The following MGAT5B variants were observed in gnomAD, a reference collection of about 807,000 sequenced individuals.
The protein encoded by MGAT5B is alpha-1,6-mannosylglycoprotein 6-beta-N-acetylglucosaminyltransferase B, also known as N-acetylglucosaminyl-transferase Vb.
MGAT5B carries 54 observed loss-of-function variants against 95.1 expected under a neutral mutation model. The ratio of observed to expected loss-of-function variants is 0.57; its 90% confidence interval spans 0.46 to 0.71. The LOEUF (loss-of-function observed/expected upper bound fraction) is 0.71. Ranked by LOEUF, MGAT5B falls within the 30% of genes least tolerant of loss-of-function variation. MGAT5B has a pLI of 0.00. For synonymous variants in MGAT5B, 464 were observed against 451.0 expected, an observed-to-expected ratio of 1.03 and a Z score of -0.36; for missense variants, 935 against 1,088.6, an observed-to-expected ratio of 0.86 and a Z score of 1.99.
At position 76,904,382 on chromosome 17, in the gene MGAT5B, C is replaced by T. The variant is rs369519601; in HGVS notation, c.650C>T (p.Thr217Met). 22 of 1,572,582 alleles carry T rather than the reference C, an allele frequency of 1.4e-5. No individual in the cohort carries two copies. The highest frequency in any genetic ancestry group is 1.7e-4 in the Middle Eastern group (1 of 5,944). Residue 217 changes from threonine to methionine, a missense_variant, in exon 6 of 18, where the codon ACG becomes ATG. This residue lies in a region of MGAT5B where 243 missense variants were observed against 305.5 expected (regional missense o/e 0.80). Coordinates refer to ENST00000569840, the MANE Select transcript of MGAT5B (RefSeq NM_001199172.2). ...CCCCCGCTGCCCTGGAGGAACCAGA[C>T]GGCTGCCCAGAGGGCACCCAAGCCC... The part of the protein sequence containing the change: ...FCPPLPWRNQ[T>M]AAQRAPKPLP...
chr17:76,929,437 G>A (rs866997477), intron 10 of MGAT5B, among the ~76,000 whole-genome samples: 2 of 152,154 alleles, frequency 1.3e-5, no homozygotes, highest in African/African-American at 4.8e-5. Context: ...CTGGCAGAAT[G>A]TATTGCCTCT....
In MGAT5B at chr17:76,915,236, A is replaced by C. The variant is rs985529395; in HGVS notation, c.1025+9049A>C. 3.4e-5 allele frequency among the ~76,000 whole-genome samples: 5 copies of C among 147,384 alleles called. No homozygotes were observed. The Admixed American group carries it at 3.4e-4, about 10-fold the overall frequency. On this transcript the variant is annotated intron_variant, in intron 8 of 17. Transcript: ENST00000569840. This position sits in a 1 kb window ranked among gnomAD's most constrained non-coding sequence, Gnocchi z 8.7. ...AGAGAGTATTGCTGGCAGTGGCTTC[A>C]GGGGAGGGTCCCAGGAGGAGGGACA... is the stretch of plus-strand genomic sequence containing the variant.
In MGAT5B at chr17:76,932,664, C is replaced by T. The variant is rs765006721; in HGVS notation, c.1311C>T (p.Ser437=). 2.5e-6 allele frequency: 4 copies of T among 1,613,850 alleles called. No homozygotes were observed. The East Asian group carries it at 6.7e-5, about 27-fold the overall frequency. The change falls in exon 11 of 18, where the codon TCC becomes TCT. Residue 437 remains serine (S), a synonymous_variant. Transcript: ENST00000569840. Reference sequence around the variant, plus strand: ...CTGCAGCTCATACCCCCGACAACTCCTTCATGGGCTTCGTGTCCGAGGAGC... The same window carrying T: ...CTGCAGCTCATACCCCCGACAACTCTTTCATGGGCTTCGTGTCCGAGGAGC... ...MTMFPHTPDN[S]FMGFVSEELN...
In MGAT5B at chr17:76,938,069, G is replaced by A. The variant is rs904853760; in HGVS notation, c.1510G>A (p.Glu504Lys). Residue 504 changes from glutamate (E) to lysine (K), a missense_variant, in exon 13 of 18, where the codon GAG (glutamate) becomes AAG (lysine). By Grantham distance (56) the Glu-to-Lys change is moderately conservative (BLOSUM62 1). This residue lies in a region of MGAT5B where 440 missense variants were observed against 523.6 expected (regional missense o/e 0.84). Coordinates refer to ENST00000569840, the MANE Select transcript of MGAT5B (RefSeq NM_001199172.2). This position sits in a 1 kb window ranked among gnomAD's most constrained non-coding sequence, Gnocchi z 4.3. ...GTACTACGAGAGCCAGCGGCCCCCC[G>A]AGGTGCCAGCCTTTGTGAAGAACCA... ...TVYYESQRPP[E>K]VPAFVKNHGL... is the part of the protein sequence containing the mutation. 2.1e-5 allele frequency: 34 copies of A among 1,614,256 alleles called. No homozygotes were observed. The highest frequency in any genetic ancestry group is 2.6e-5 in the Non-Finnish European group (31 of 1,180,054).
rs1968865835 is a variant in MGAT5B at position 76,914,713 on chromosome 17, A to G, written c.1025+8526A>G. On this transcript the variant is annotated intron_variant, in intron 8 of 17. Coordinates refer to ENST00000569840, the MANE Select transcript of MGAT5B (RefSeq NM_001199172.2). The surrounding 1 kb of genome is among the most constrained non-coding windows in gnomAD (Gnocchi z 5.1). Reference sequence around the variant, plus strand: ...GAGCGCAGTGGCGCAGTCTCGGCTCACTGCATCCTCCACCTCCGGGTTCAA... The same window carrying G: ...GAGCGCAGTGGCGCAGTCTCGGCTCGCTGCATCCTCCACCTCCGGGTTCAA... Among the ~76,000 whole-genome samples the G allele has an allele frequency of 6.6e-6, 1 of 150,902 alleles. No homozygotes were observed.
chr17:76,903,082 G>A (rs1968379361), intron 4 of MGAT5B, among the ~76,000 whole-genome samples: 1 of 152,186 alleles, frequency 6.6e-6, no homozygotes, highest in Admixed American at 6.5e-5. Context: ...CAGCTGCTGA[G>A]TGGCTGTTCG....
At chr17:76,878,185 G>A (rs1421683240) in intron 2 of MGAT5B, among the ~76,000 whole-genome samples, 5 of 152,076 alleles carry the variant, frequency 3.3e-5, no homozygotes, top group Non-Finnish European at 5.9e-5. Flanking sequence ...TTCCCTCCTG[G>A]GTACCCACCC....
Position 76,905,117 on chromosome 17 carries a change from T to C in MGAT5B, c.691-52T>C, listed in dbSNP as rs1968473017. On this transcript the variant is annotated intron_variant, in intron 6 of 17. Coordinates refer to ENST00000569840, the MANE Select transcript of MGAT5B (RefSeq NM_001199172.2). This position sits in a 1 kb window ranked among gnomAD's most constrained non-coding sequence, Gnocchi z 4.2. ...CCCCTGTCCCCAGGCCAGCGGGGAA[T>C]GATGGTGGCCGCAGGTTGAGGGGCA... 6.4e-7 allele frequency: 1 copy of C among 1,555,226 alleles called. No homozygotes were observed. Among genetic ancestry groups the C allele is most frequent in the Non-Finnish European group, 8.7e-7 (1 of 1,144,414 alleles).
intron 3 of MGAT5B, among the ~76,000 whole-genome samples, chr17:76,898,332 ATT>A (rs1056312668): frequency 6.1e-5 from 4 of 65,044 alleles, no homozygotes; most frequent in Non-Finnish European, 3.1e-5. Context: ...TAATCTTTTT[ATT>A]TTTTTTTTTT....
At chr17:76,888,577 CAGG>C (rs1472425483) in intron 3 of MGAT5B, among the ~76,000 whole-genome samples, 1 of 152,160 alleles carries the variant, frequency 6.6e-6, no homozygotes, top group African/African-American at 2.4e-5. Context: ...TCTCGTAAAT[CAGG>C]AGAGGGAGTC....
At chr17:76,934,847 A>G (rs562628678) in intron 12 of MGAT5B, among the ~76,000 whole-genome samples, 4 of 152,288 alleles carry the variant, frequency 2.6e-5, no homozygotes, top group South Asian at 4.1e-4. Flanking sequence ...AGGTGGCTGG[A>G]TGGAGAGAAA....
At chr17:76,886,695 A>G (rs1227517553) in intron 3 of MGAT5B, among the ~76,000 whole-genome samples, 4 of 152,214 alleles carry the variant, frequency 2.6e-5, no homozygotes, top group Non-Finnish European at 4.4e-5. Flanking sequence ...TGGCCGGAGG[A>G]CCTGGTGAGT....
In MGAT5B at chr17:76,915,087, C is replaced by G. The variant is rs185967515; in HGVS notation, c.1025+8900C>G. 6.6e-6 allele frequency among the ~76,000 whole-genome samples: 1 copy of G among 152,210 alleles called. No homozygotes were observed. The highest frequency in any genetic ancestry group is 1.5e-5 in the Non-Finnish European group (1 of 68,046). ...GGATTAGGACTTCACCCTCCTTCAG[C>G]GGCCACAGTTCAGCCCACGATCAAA... On this transcript the variant is annotated intron_variant, in intron 8 of 17. Coordinates refer to ENST00000569840, the MANE Select transcript of MGAT5B (RefSeq NM_001199172.2). The surrounding 1 kb of genome is among the most constrained non-coding windows in gnomAD (Gnocchi z 8.7).
chr17:76,902,434 G>A, intron 3 of MGAT5B, 121 bp from the exon 4 acceptor site: 2 of 684,438 alleles, frequency 2.9e-6, no homozygotes, highest in Non-Finnish European at 5.1e-6. Flanking sequence ...TGGGGTCAGG[G>A]TTTGGGAGCC....
rs1049105369 is a variant in MGAT5B at position 76,906,664 on chromosome 17, G to A, written c.1025+477G>A. Among the ~76,000 whole-genome samples the A allele has an allele frequency of 3.3e-5, 5 of 152,046 alleles. No individual in the cohort carries two copies. The highest frequency in any genetic ancestry group is 2.9e-5 in the Non-Finnish European group (2 of 68,008). Reference sequence around the variant, plus strand: ...CCTTACCCAGTGCTGGGCTTTTCACGGTCCCTTGGATGCTGTGGGAGGTGG... The same window carrying A: ...CCTTACCCAGTGCTGGGCTTTTCACAGTCCCTTGGATGCTGTGGGAGGTGG... On this transcript the variant is annotated intron_variant, in intron 8 of 17. Coordinates refer to ENST00000569840, the MANE Select transcript of MGAT5B (RefSeq NM_001199172.2). This position sits in a 1 kb window ranked among gnomAD's most constrained non-coding sequence, Gnocchi z 4.6.
intron 13 of MGAT5B, among the ~76,000 whole-genome samples, chr17:76,939,356 A>G (rs976907101): frequency 1.3e-5 from 2 of 151,772 alleles, no homozygotes; most frequent in African/African-American, 2.4e-5. Flanking sequence ...CAAACAAACA[A>G]ACAAAAAATC....
intron 9 of MGAT5B, 78 bp downstream of exon 9, chr17:76,925,175 G>T: frequency 6.4e-7 from 1 of 1,560,090 alleles, no homozygotes; most frequent in East Asian, 2.3e-5. Flanking sequence ...CTGCCCCCAC[G>T]TCCCCACTCA....
At chr17:76,897,508 T>C (rs1480037099) in intron 3 of MGAT5B, among the ~76,000 whole-genome samples, 1 of 152,108 alleles carries the variant, frequency 6.6e-6, no homozygotes, top group African/African-American at 2.4e-5. Context: ...CACTCCGCTC[T>C]CTGCCTGCTT....
At chr17:76,913,534 G>A (rs1460719016) in intron 8 of MGAT5B, 1 of 366,748 alleles carries the variant, frequency 2.7e-6, no homozygotes, top group African/African-American at 2.1e-5. Flanking sequence ...GGGCCCAGGG[G>A]AGGTGTGGCA....
Sources: gnomAD v4.1 joint callset for allele counts (sites outside exome capture counted in the v4.1 genomes callset) on GRCh38, gnomAD v4.1.1 for gene constraint, gnomAD v4.1.1 regional missense constraint, Gnocchi (gnomAD v3.1) non-coding constraint, MANE v1.5 for transcripts, NCBI Gene and HGNC (gene_info 2026-07-23, HGNC 2026-07-21) for gene names.